MALRD1: variants seen among roughly 807,000 people sequenced by gnomAD.
The protein encoded by MALRD1 is MAM and LDL receptor class A domain containing 1, also known as MAM and LDL-receptor class A domain-containing protein 1.
A neutral mutation model predicts 242.1 loss-of-function variants in MALRD1; 247 were observed. That is an observed-to-expected ratio of 1.02 (90% CI 0.92 to 1.13). MALRD1 has a LOEUF of 1.13. MALRD1 is among the 50% of genes most tolerant of loss of function. The pLI is 0.00. For synonymous variants in MALRD1, 995 were observed against 866.6 expected (o/e 1.15, Z -2.60); for missense variants, 2,989 against 2,533.1 (o/e 1.18, Z -3.86).
At chr10:19,325,669 A>C (rs755966919) in intron 22 of MALRD1, among the ~76,000 whole-genome samples, 7 of 152,094 alleles carry the variant, frequency 4.6e-5, no homozygotes, top group Non-Finnish European at 8.8e-5. Context: ...TAAATCCACA[A>C]ATTCCAGAAT....
chr10:19,436,008 GTTCCAGC>G (rs1176901859), intron 28 of MALRD1, among the ~76,000 whole-genome samples: 2 of 152,080 alleles, frequency 1.3e-5, no homozygotes, highest in Non-Finnish European at 2.9e-5. Context: ...TGCTCAAGTT[GTTCCAGC>G]TTTGGGCACA....
chr10:19,453,098 C>T (rs989412259), intron 29 of MALRD1, among the ~76,000 whole-genome samples: 1 of 152,034 alleles, frequency 6.6e-6, no homozygotes, highest in African/African-American at 2.4e-5. Context: ...ATTAACATGC[C>T]ATATTCTCAA....
intron 32 of MALRD1, among the ~76,000 whole-genome samples, chr10:19,555,988 T>C (rs1482251812): frequency 6.6e-6 from 1 of 152,108 alleles, no homozygotes; most frequent in Admixed American, 6.5e-5. Context: ...GGCATTGAAA[T>C]TGATGAGACA....
intron 34 of MALRD1, among the ~76,000 whole-genome samples, chr10:19,604,702 T>A (rs1838523226): frequency 6.6e-6 from 1 of 152,136 alleles, no homozygotes; most frequent in South Asian, 2.1e-4. Flanking sequence ...CTTCCACAGC[T>A]AGAGAGGAGA....
intron 21 of MALRD1, among the ~76,000 whole-genome samples, chr10:19,320,954 G>A (rs1052776207): frequency 6.6e-6 from 1 of 151,696 alleles, no homozygotes; most frequent in South Asian, 2.1e-4. Context: ...TAAGTTCCTT[G>A]TAGCTTCTGG....
rs575379855 is a variant in MALRD1 at position 19,667,047 on chromosome 10, T to A, written c.6138-25235T>A. 2.0e-5 allele frequency among the ~76,000 whole-genome samples: 3 copies of A among 152,220 alleles called. No individual in the cohort carries two copies. The East Asian group carries it at 5.8e-4, about 29-fold the overall frequency. Reference sequence around the variant, plus strand: ...AAACACTAAATGGGACAGAAATTGCTTGCTACCCTGTAAGGATTCTTTGAT... The same window carrying A: ...AAACACTAAATGGGACAGAAATTGCATGCTACCCTGTAAGGATTCTTTGAT... On this transcript the variant is annotated intron_variant, in intron 36 of 39. Transcript: ENST00000454679.
At chr10:19,206,214 C>T (rs2131620825) in intron 17 of MALRD1, among the ~76,000 whole-genome samples, 1 of 151,910 alleles carries the variant, frequency 6.6e-6, no homozygotes, top group Admixed American at 6.6e-5. Context: ...TCATAGAAAA[C>T]ATTAAGAAAT....
At chr10:19,387,477 G>C (rs1165184181) in intron 26 of MALRD1, 51 bp from the exon 27 acceptor site, 1 of 1,512,682 alleles carries the variant, frequency 6.6e-7, no homozygotes. Flanking sequence ...TGACCTCACT[G>C]AATGTGTTAG....
At chr10:19,556,555 A>G (rs570735104) in intron 32 of MALRD1, among the ~76,000 whole-genome samples, 20 of 152,260 alleles carry the variant, frequency 1.3e-4, no homozygotes, top group African/African-American at 4.1e-4. Flanking sequence ...ACTTAAAAAT[A>G]TACATGTAAG....
At chr10:19,498,396 G>T in intron 30 of MALRD1, 89 bp from the exon 31 acceptor site, 1 of 1,110,766 alleles carries the variant, frequency 9.0e-7, no homozygotes, top group Non-Finnish European at 1.3e-6. Context: ...AGAATATGCA[G>T]ATACTAATTT....
At chr10:19,300,100 G>A (rs564067562) in intron 21 of MALRD1, among the ~76,000 whole-genome samples, 31 of 151,978 alleles carry the variant, frequency 2.0e-4, no homozygotes, top group African/African-American at 7.5e-4. Flanking sequence ...GTCAAATCAA[G>A]GACACAGTTC....
At chr10:19,689,828 T>C (rs1252351970) in intron 36 of MALRD1, among the ~76,000 whole-genome samples, 1 of 152,094 alleles carries the variant, frequency 6.6e-6, no homozygotes, top group Non-Finnish European at 1.5e-5. Context: ...TTGAGAATTT[T>C]AGTGTGGAGA....
chr10:19,562,290 G>C (rs1169256912), intron 32 of MALRD1, among the ~76,000 whole-genome samples: 1 of 136,754 alleles, frequency 7.3e-6, no homozygotes, highest in Non-Finnish European at 1.6e-5. Flanking sequence ...GCGAGATGCT[G>C]TCTTAGGTAG....
chr10:19,589,133 A>G (rs1436144720), intron 33 of MALRD1, among the ~76,000 whole-genome samples: 3 of 152,238 alleles, frequency 2.0e-5, no homozygotes, highest in South Asian at 2.1e-4. Flanking sequence ...AGTATCACAT[A>G]CAATGTACAG....
At chr10:19,312,757 T>G (rs16915702) in intron 21 of MALRD1, among the ~76,000 whole-genome samples, 6,291 of 151,446 alleles carry the variant, frequency 0.042, 207 homozygotes, top group African/African-American at 0.093. Flanking sequence ...ATGCTGATTT[T>G]AGATGACATT....
intron 33 of MALRD1, among the ~76,000 whole-genome samples, chr10:19,570,704 G>C (rs540989399): frequency 1.8e-4 from 27 of 152,080 alleles, no homozygotes; most frequent in African/African-American, 6.3e-4. Flanking sequence ...GTAAAGAAAA[G>C]TGTGAAACCA....
intron 22 of MALRD1, among the ~76,000 whole-genome samples, chr10:19,325,930 T>G (rs2130903671): frequency 6.6e-6 from 1 of 152,274 alleles, no homozygotes; most frequent in East Asian, 1.9e-4. Flanking sequence ...GACTCCTATT[T>G]TGTTTTATTC....
intron 36 of MALRD1, among the ~76,000 whole-genome samples, chr10:19,662,270 C>G (rs1841477080): frequency 2.0e-5 from 3 of 151,976 alleles, no homozygotes; most frequent in Admixed American, 1.3e-4. Flanking sequence ...ATGCATACAG[C>G]AAAATCAAAG....
intron 28 of MALRD1, among the ~76,000 whole-genome samples, chr10:19,410,670 C>T (rs1405055069): frequency 1.6e-4 from 19 of 116,608 alleles, no homozygotes; most frequent in Non-Finnish European, 3.0e-4. Flanking sequence ...ATCCATTCTT[C>T]CTTCCTTCCT....
Sources: allele counts gnomAD v4.1 joint callset (sites outside exome capture counted in the v4.1 genomes callset), GRCh38; gene constraint gnomAD v4.1.1; transcripts MANE v1.5; gene names NCBI Gene and HGNC (gene_info 2026-07-23, HGNC 2026-07-21).